Variants in GSE1 observed in about 807,000 individuals in gnomAD.
The protein encoded by GSE1 is Gse1 coiled-coil protein, also known as genetic suppressor element 1.
GSE1 carries 32 observed loss-of-function variants against 112.6 expected under a neutral mutation model. The observed-to-expected ratio is 0.28, with a 90% CI of 0.21 to 0.38. The LOEUF is 0.38. Ranked by LOEUF, GSE1 falls within the 10% of genes least tolerant of loss-of-function variation. The probability of loss-of-function intolerance (pLI) is 1.00; values close to 1 mark genes in which losing one functional copy is unlikely to be tolerated. For synonymous variants in GSE1, 1,115 were observed against 735.6 expected, an observed-to-expected ratio of 1.52 and a Z score of -8.35; for missense variants, 2,348 against 1,699.2, an observed-to-expected ratio of 1.38 and a Z score of -6.71.
chr16:85,651,413 C>A (rs1004284516), intron 3 of GSE1, among the ~76,000 whole-genome samples: 1 of 152,084 alleles, frequency 6.6e-6, no homozygotes, highest in Non-Finnish European at 1.5e-5. Context: ...GCCCCCCAGC[C>A]CCCCGGACTC....
At chr16:85,371,681 C>T (rs908898763) in intron 2 of GSE1, among the ~76,000 whole-genome samples, 2 of 152,206 alleles carry the variant, frequency 1.3e-5, no homozygotes, top group African/African-American at 4.8e-5. Context: ...CAGGCTGGCA[C>T]AGAGCCTGGC....
At chr16:85,531,481 C>G (rs72801141) in intron 2 of GSE1, among the ~76,000 whole-genome samples, 20,839 of 152,100 alleles carry the variant, frequency 0.14, 1,575 homozygotes, top group Admixed American at 0.2. Context: ...GGAAGGAGCC[C>G]TCTCGGAGGG....
Position 85,641,126 on chromosome 16 carries a change from C to T in GSE1, c.226+6994C>T, listed in dbSNP as rs994781897. 4.6e-5 allele frequency among the ~76,000 whole-genome samples: 7 copies of T among 152,290 alleles called. No homozygotes were observed. The East Asian group carries it at 5.8e-4, about 13-fold the overall frequency. On this transcript the variant is annotated intron_variant, in intron 2 of 15. Coordinates refer to ENST00000253458, the MANE Select transcript of GSE1 (RefSeq NM_014615.5). Reference sequence around the variant, plus strand: ...CGTGGACATAAGGGTGATTTTTTTCCGGTTTTCCCTGATGCACCCTGTGCC... The same window carrying T: ...CGTGGACATAAGGGTGATTTTTTTCTGGTTTTCCCTGATGCACCCTGTGCC...
chr16:85,384,875 C>G (rs959581783), intron 2 of GSE1, among the ~76,000 whole-genome samples: 1 of 152,242 alleles, frequency 6.6e-6, no homozygotes, highest in African/African-American at 2.4e-5. Flanking sequence ...CTGGGCTTTT[C>G]TGCACCCTGG....
At chr16:85,602,005 G>C (rs2047487517) in intron 1 of GSE1, among the ~76,000 whole-genome samples, 1 of 152,180 alleles carries the variant, frequency 6.6e-6, no homozygotes, top group Non-Finnish European at 1.5e-5. Flanking sequence ...CGGGGAGGGA[G>C]AGGGAGAAGA....
chr16:85,225,981 G>T (rs2075478881), intron 1 of GSE1, among the ~76,000 whole-genome samples: 2 of 152,146 alleles, frequency 1.3e-5, no homozygotes, highest in Admixed American at 6.5e-5. Flanking sequence ...TTGGCTGGAG[G>T]CCTCAGTTCC....
At chr16:85,545,809 G>A (rs578027939) in intron 2 of GSE1, among the ~76,000 whole-genome samples, 51 of 152,306 alleles carry the variant, frequency 3.3e-4, no homozygotes, top group African/African-American at 1.1e-3. Flanking sequence ...TTTGGAGACA[G>A]AGTCTCACTG....
At chr16:85,663,185 C>A in intron 10 of GSE1, 92 bp downstream of exon 10, 1 of 1,228,298 alleles carries the variant, frequency 8.1e-7, no homozygotes, top group Non-Finnish European at 1.2e-6. Flanking sequence ...TTGCTAGGTT[C>A]CTCCGAAGTC....
intron 1 of GSE1, among the ~76,000 whole-genome samples, chr16:85,220,881 A>C: frequency 6.6e-6 from 1 of 150,464 alleles, no homozygotes; most frequent in Non-Finnish European, 1.5e-5. Flanking sequence ...AAACCTTCCC[A>C]AATCGTGCCC....
At position 85,578,872 on chromosome 16, in the gene GSE1, A is replaced by AT. The variant is rs757513584; in HGVS notation, c.37+22523dup. On this transcript the variant is annotated intron_variant, in intron 1 of 2. Coordinates refer to the GSE1 transcript ENST00000635906. ...CACCCATCCTGCACACCTGATGTGC[A>AT]TTTTTTTTTTTTTTAGCATCTTACT... 5.4e-3 allele frequency among the ~76,000 whole-genome samples: 767 copies of AT among 141,490 alleles called. 7 individuals carry two copies. Among genetic ancestry groups the AT allele is most frequent in the African/African-American group, 0.013 (492 of 38,628 alleles). 92.8% of individuals were successfully genotyped at this position (141,490 alleles called of 152,430 possible).
At chr16:85,286,389 C>T (rs1328400795) in intron 1 of GSE1, among the ~76,000 whole-genome samples, 1 of 152,176 alleles carries the variant, frequency 6.6e-6, no homozygotes, top group African/African-American at 2.4e-5. Flanking sequence ...TCTTTGTGCC[C>T]GGCTGGTGCC....
intron 6 of GSE1, 131 bp downstream of exon 6, chr16:85,656,048 A>C (rs1254071642): frequency 1.4e-6 from 1 of 719,222 alleles, no homozygotes; most frequent in Non-Finnish European, 2.3e-6. Context: ...CCACCTGCCA[A>C]ATGGGACAAT....
At chr16:85,331,665 G>A (rs1312325759) in intron 1 of GSE1, among the ~76,000 whole-genome samples, 18,958 of 53,432 alleles carry the variant, frequency 0.35, 3,317 homozygotes, top group Middle Eastern at 0.48. Flanking sequence ...GTGTATATGT[G>A]TGTGTGTGTG....
At chr16:85,655,075 T>C (rs1020130566) in intron 5 of GSE1, 84 bp downstream of exon 5, 14 of 899,452 alleles carry the variant, frequency 1.6e-5, no homozygotes, top group Non-Finnish European at 2.3e-5. Context: ...GTGTTTCTTA[T>C]GACCTGAGAG....
At chr16:85,582,749 T>A (rs1243944544) in intron 1 of GSE1, among the ~76,000 whole-genome samples, 3 of 152,076 alleles carry the variant, frequency 2.0e-5, no homozygotes, top group Non-Finnish European at 4.4e-5. Context: ...CAACCCCCCC[T>A]CGCCTCTTAA....
chr16:85,548,719 G>T (rs1442977139), intron 2 of GSE1, among the ~76,000 whole-genome samples: 3 of 152,196 alleles, frequency 2.0e-5, no homozygotes, highest in East Asian at 3.8e-4. Context: ...GGGTGCAGGT[G>T]CTTCCTCTTG....
At chr16:85,580,796 C>T (rs77274826) in intron 1 of GSE1, among the ~76,000 whole-genome samples, 2 of 152,338 alleles carry the variant, frequency 1.3e-5, no homozygotes, top group South Asian at 2.1e-4. Context: ...CCAGAGAGTG[C>T]GCTGTCTCCG....
chr16:85,470,715 C>T (rs951659080), intron 2 of GSE1, among the ~76,000 whole-genome samples: 1 of 152,156 alleles, frequency 6.6e-6, no homozygotes, highest in African/African-American at 2.4e-5. Context: ...ATCGGGCTGC[C>T]CAGGAGAGCC....
chr16:85,423,298 A>G (rs890685083), intron 2 of GSE1, among the ~76,000 whole-genome samples: 2 of 152,224 alleles, frequency 1.3e-5, no homozygotes, highest in African/African-American at 4.8e-5. Flanking sequence ...GCCCTGGGTC[A>G]GGCTCCAGCC....
Sources: gnomAD v4.1 joint callset for allele counts (sites outside exome capture counted in the v4.1 genomes callset) on GRCh38, gnomAD v4.1.1 for gene constraint, MANE v1.5 for transcripts, NCBI Gene and HGNC (gene_info 2026-07-23, HGNC 2026-07-21) for gene names.